Variants in RAB3GAP2 observed in about 807,000 individuals in gnomAD.
RAB3GAP2 encodes rab3 GTPase-activating protein non-catalytic subunit.
Under a neutral mutation model 185.3 loss-of-function variants are expected in RAB3GAP2, and 87 were observed. The observed-to-expected ratio is 0.47, with a 90% CI of 0.39 to 0.56. The LOEUF (loss-of-function observed/expected upper bound fraction) is 0.56, where lower values mean the gene tolerates loss of function less well. Among genes scored for constraint, RAB3GAP2 ranks in the 20% least tolerant of loss-of-function variants. RAB3GAP2 has a pLI of 0.00. For synonymous variants in RAB3GAP2, 554 were observed against 576.1 expected, an observed-to-expected ratio of 0.96 and a Z score of 0.55; for missense variants, 1,492 against 1,638.2, an observed-to-expected ratio of 0.91 and a Z score of 1.54.
At chr1:220,195,927 T>TC (rs1364708798) in intron 10 of RAB3GAP2, among the ~76,000 whole-genome samples, 4 of 152,170 alleles carry the variant, frequency 2.6e-5, no homozygotes, top group Non-Finnish European at 4.4e-5. Flanking sequence ...TTACAACTCC[T>TC]CATTTACTCA....
At chr1:220,260,306 A>G (rs996027284) in intron 1 of RAB3GAP2, among the ~76,000 whole-genome samples, 4 of 142,478 alleles carry the variant, frequency 2.8e-5, no homozygotes, top group Admixed American at 1.4e-4. Flanking sequence ...TCACTGCAGC[A>G]CTATTCACAA....
intron 8 of RAB3GAP2, among the ~76,000 whole-genome samples, chr1:220,203,883 T>G (rs1658908827): frequency 6.6e-6 from 1 of 152,188 alleles, no homozygotes. Context: ...AAAAAAATTT[T>G]TATTGCAATA....
At chr1:220,163,725 G>T in intron 27 of RAB3GAP2, among the ~76,000 whole-genome samples, 1 of 96,174 alleles carries the variant, frequency 1.0e-5, no homozygotes, top group Non-Finnish European at 2.0e-5. Context: ...ATCAGTCAAG[G>T]TAAATATATA....
intron 2 of RAB3GAP2, among the ~76,000 whole-genome samples, chr1:220,224,467 GA>G (rs1253157605): frequency 6.6e-6 from 1 of 152,072 alleles, no homozygotes; most frequent in East Asian, 1.9e-4. Flanking sequence ...AGTATTCCTT[GA>G]AAAGAATGAA....
At chr1:220,239,514 AG>A (rs1433640437) in intron 1 of RAB3GAP2, among the ~76,000 whole-genome samples, 1 of 152,208 alleles carries the variant, frequency 6.6e-6, no homozygotes, top group African/African-American at 2.4e-5. Flanking sequence ...TACAGACATG[AG>A]CCACTGCACC....
intron 1 of RAB3GAP2, among the ~76,000 whole-genome samples, chr1:220,258,941 G>A (rs913259823): frequency 2.0e-5 from 3 of 151,712 alleles, no homozygotes; most frequent in Admixed American, 6.6e-5. Flanking sequence ...TATACACTAC[G>A]ACAGAAAGGC....
chr1:220,228,957 G>GT (rs1659451457), intron 2 of RAB3GAP2, among the ~76,000 whole-genome samples: 1 of 152,192 alleles, frequency 6.6e-6, no homozygotes, highest in African/African-American at 2.4e-5. Context: ...TTTAGAATGA[G>GT]TAGAAGCATC....
Position 220,190,391 on chromosome 1 carries a change from G to T in RAB3GAP2, c.1617C>A (p.Phe539Leu). The change falls in exon 15 of 35, where the codon TTC becomes TTA. Residue 539 changes from phenylalanine to leucine, a missense_variant. By Grantham distance (22) the Phe-to-Leu change is conservative. This residue lies in a region of RAB3GAP2 where 681 missense variants were observed against 689.1 expected (regional missense o/e 0.99). Transcript: ENST00000358951. ...ACACACCTTACCTCAGTGCTAAATG[G>T]AAGGGAACGTTCACTGTTTTCACAC... ...SGSVKTVNVP[F>L]HLALSDKKSE... 1 of 1,614,088 alleles carries T rather than the reference G, an allele frequency of 6.2e-7. No homozygotes were observed. The highest frequency in any genetic ancestry group is 8.5e-7 in the Non-Finnish European group (1 of 1,179,986).
At position 220,196,337 on chromosome 1, in the gene RAB3GAP2, A is replaced by G. The variant is rs1463280020; in HGVS notation, c.873T>C (p.Asn291=). ...MKTASNIGGF[N]AAIKNSPPAM... is the part of the protein sequence containing the mutation. Reference sequence around the variant, plus strand: ...CAGGTGGACTATTTTTAATTGCTGCATTAAATCCACCTATATTGGAGGCAG... The same window carrying G: ...CAGGTGGACTATTTTTAATTGCTGCGTTAAATCCACCTATATTGGAGGCAG... The change falls in exon 10 of 35, where the codon AAT becomes AAC. Residue 291 remains asparagine, a synonymous_variant. Coordinates refer to ENST00000358951, the MANE Select transcript of RAB3GAP2 (RefSeq NM_012414.4). The G allele has an allele frequency of 1.2e-6, 2 of 1,609,096 alleles. No individual in the cohort carries two copies. The highest frequency in any genetic ancestry group is 3.3e-4 in the Middle Eastern group (2 of 6,042).
intron 27 of RAB3GAP2, among the ~76,000 whole-genome samples, chr1:220,164,213 CT>C (rs1202418977): frequency 6.6e-6 from 1 of 152,062 alleles, no homozygotes; most frequent in East Asian, 1.9e-4. Flanking sequence ...AATTGCAGTC[CT>C]GAGAAATCCA....
intron 1 of RAB3GAP2, chr1:220,253,963 C>G (rs1659986328): frequency 6.2e-7 from 1 of 1,613,456 alleles, no homozygotes; most frequent in South Asian, 1.1e-5. Flanking sequence ...GACCCCTCAG[C>G]CTCCTTGGAA....
rs55819860 is a variant in RAB3GAP2 at position 220,261,954 on chromosome 1, T to G, written c.115+10269A>C. ...TTTGTCGCGTTTTTAAATAATCTAT[T>G]TATTATTAATCTAATTGATTGACAT... On this transcript the variant is annotated intron_variant, in intron 1 of 34. Transcript: ENST00000358951. 3.8e-3 allele frequency among the ~76,000 whole-genome samples: 576 copies of G among 152,000 alleles called. 5 individuals are homozygous for G. Among genetic ancestry groups the G allele is most frequent in the African/African-American group, 0.014 (564 of 41,446 alleles).
chr1:220,181,200 C>T (rs1181809746), intron 21 of RAB3GAP2, among the ~76,000 whole-genome samples: 1 of 152,178 alleles, frequency 6.6e-6, no homozygotes, highest in East Asian at 1.9e-4. Context: ...GCAATCAGCA[C>T]ATCCTTGATC....
intron 1 of RAB3GAP2, among the ~76,000 whole-genome samples, chr1:220,257,693 C>CA (rs1405535318): frequency 6.6e-6 from 1 of 151,798 alleles, no homozygotes; most frequent in Non-Finnish European, 1.5e-5. Context: ...AAATAAACCC[C>CA]AAAGCTTGCA....
Position 220,210,874 on chromosome 1 carries a change from C to T in RAB3GAP2, c.437G>A (p.Ser146Asn). 2 of 1,613,912 alleles carry T rather than the reference C, an allele frequency of 1.2e-6. No individual in the cohort carries two copies. Among genetic ancestry groups the T allele is most frequent in the South Asian group, 1.1e-5 (1 of 91,066 alleles). The change falls in exon 6 of 35, where the codon AGT becomes AAT. Residue 146 changes from serine (S) to asparagine (N), a missense_variant and splice_region_variant. By Grantham distance (46) the Ser-to-Asn change is conservative. This residue lies in a region of RAB3GAP2 where 243 missense variants were observed against 314.8 expected (regional missense o/e 0.77). Coordinates refer to ENST00000358951, the MANE Select transcript of RAB3GAP2 (RefSeq NM_012414.4). ...LCIPLASQKR[S>N]STGRPDWTCI... The stretch of plus-strand genomic sequence containing the variant: ...GGTCCAGTCAGGACGCCCAGTGGAA[C>T]TCCTGTTACAAACAAAATTTATTAT...
Position 220,212,397 on chromosome 1 carries a change from T to C in RAB3GAP2, c.386+490A>G, listed in dbSNP as rs138052615. Among the ~76,000 whole-genome samples the C allele has an allele frequency of 2.5e-4, 38 of 152,344 alleles. 1 individual carries two copies. The East Asian group carries it at 7.3e-3, about 29-fold the overall frequency. On this transcript the variant is annotated intron_variant, in intron 4 of 34. Coordinates refer to ENST00000358951, the MANE Select transcript of RAB3GAP2 (RefSeq NM_012414.4). ...TTTAAAAACATAATTACACGATATA[T>C]AAAATTTGCTGATTGAATCATTCTC...
intron 9 of RAB3GAP2, among the ~76,000 whole-genome samples, chr1:220,202,015 A>T (rs574735989): frequency 6.6e-6 from 1 of 151,966 alleles, no homozygotes; most frequent in Non-Finnish European, 1.5e-5. Context: ...AAATACAAAA[A>T]TCAGCCAGGC....
chr1:220,156,140 A>G lies in RAB3GAP2; in HGVS notation c.3555+1130T>C, dbSNP rs192656662. Among the ~76,000 whole-genome samples, 44 of 152,098 alleles carry G rather than the reference A, an allele frequency of 2.9e-4. No individual in the cohort carries two copies. In the East Asian group the frequency reaches 7.4e-3, roughly 25 times the overall value. On this transcript the variant is annotated intron_variant, in intron 31 of 34. Transcript: ENST00000358951. ...TAGTTTTTGTGTTTTTACTAGTGACAGGGTTTCACCATGTTGGCCAGGCTG... is the reference window on the plus strand; with the variant it reads ...TAGTTTTTGTGTTTTTACTAGTGACGGGGTTTCACCATGTTGGCCAGGCTG...
intron 1 of RAB3GAP2, among the ~76,000 whole-genome samples, chr1:220,261,093 G>T (rs1660128529): frequency 6.6e-6 from 1 of 152,092 alleles, no homozygotes; most frequent in Non-Finnish European, 1.5e-5. Context: ...GGGCAATGTG[G>T]TAAGTAATGT....
Sources: gnomAD v4.1 joint callset for allele counts (sites outside exome capture counted in the v4.1 genomes callset) on GRCh38, gnomAD v4.1.1 for gene constraint, gnomAD v4.1.1 regional missense constraint, MANE v1.5 for transcripts, NCBI Gene and HGNC (gene_info 2026-07-23, HGNC 2026-07-21) for gene names.